Variants in IPCEF1 observed in about 807,000 individuals in gnomAD.
IPCEF1 encodes the protein interaction protein for cytohesin exchange factors 1, also known as interactor protein for cytohesin exchange factors 1.
A neutral mutation model predicts 50.9 loss-of-function variants in IPCEF1; 31 were observed. That is an observed-to-expected ratio of 0.61 (90% CI 0.46 to 0.82). IPCEF1 has a LOEUF of 0.82. Among genes scored for constraint, IPCEF1 ranks in the 40% least tolerant of loss-of-function variants. The pLI is 0.00. For synonymous variants in IPCEF1, 181 were observed against 192.0 expected (o/e 0.94, Z 0.47); for missense variants, 458 against 514.0 (o/e 0.89, Z 1.05).
chr6:154,208,460 G>T (rs1251356541), intron 9 of IPCEF1, among the ~76,000 whole-genome samples: 1 of 152,074 alleles, frequency 6.6e-6, no homozygotes, highest in African/African-American at 2.4e-5. Flanking sequence ...TGACTCACTG[G>T]ACTCCACTTC....
At chr6:154,228,456 A>C (rs1248474746) in intron 5 of IPCEF1, among the ~76,000 whole-genome samples, 2 of 152,240 alleles carry the variant, frequency 1.3e-5, no homozygotes, top group African/African-American at 4.8e-5. Flanking sequence ...ATCTAGTCTT[A>C]AATTCAGAAG....
intron 6 of IPCEF1, among the ~76,000 whole-genome samples, chr6:154,222,022 A>T (rs1583836919): frequency 1.3e-5 from 2 of 152,372 alleles, no homozygotes; most frequent in South Asian, 4.1e-4. Flanking sequence ...TACTTCAAGC[A>T]AGGTATTTCT....
intron 10 of IPCEF1, among the ~76,000 whole-genome samples, chr6:154,169,258 G>C (rs1018245001): frequency 6.6e-6 from 1 of 152,158 alleles, no homozygotes; most frequent in African/African-American, 2.4e-5. Flanking sequence ...CTACTCAGGA[G>C]ACTGAGACAC....
chr6:154,167,249 G>T (rs1256675489), intron 11 of IPCEF1, among the ~76,000 whole-genome samples: 1 of 152,222 alleles, frequency 6.6e-6, no homozygotes, highest in Non-Finnish European at 1.5e-5. Context: ...AAATGTGAAA[G>T]CAGGACACTT....
chr6:154,229,641 C>A (rs1206920676), intron 5 of IPCEF1, among the ~76,000 whole-genome samples: 1 of 152,116 alleles, frequency 6.6e-6, no homozygotes, highest in Non-Finnish European at 1.5e-5. Context: ...CAGGCGTGAG[C>A]CACCGTGCCC....
chr6:154,189,872 A>G (rs1755959495), intron 10 of IPCEF1, among the ~76,000 whole-genome samples: 1 of 151,918 alleles, frequency 6.6e-6, no homozygotes. Context: ...AATCACTGGA[A>G]CCTGGAGGTT....
At chr6:154,313,034 C>G (rs367780291) in intron 1 of IPCEF1, among the ~76,000 whole-genome samples, 1 of 130,262 alleles carries the variant, frequency 7.7e-6, no homozygotes, top group African/African-American at 3.1e-5. Context: ...CCGAAATCAA[C>G]CCCACTGCAC....
chr6:154,254,320 A>G (rs1355742699), intron 3 of IPCEF1, among the ~76,000 whole-genome samples: 2 of 152,204 alleles, frequency 1.3e-5, no homozygotes, highest in East Asian at 3.8e-4. Context: ...ACAGTTCTGC[A>G]TGGCTGAAGG....
intron 1 of IPCEF1, among the ~76,000 whole-genome samples, chr6:154,344,463 GTGACTTTGGGGCA>G (rs1156349656): frequency 5.3e-5 from 8 of 152,130 alleles, no homozygotes; most frequent in Non-Finnish European, 1.2e-4. Flanking sequence ...AGAAACCCCA[GTGACTTTGGGGCA>G]TGTAAAGATA....
rs1322927779 is a variant in IPCEF1, at chr6:154,168,117, T to C, written c.911-4A>G. On this transcript the variant is annotated splice_region_variant and splice_polypyrimidine_tract_variant and intron_variant, in intron 10 of 11. Transcript: ENST00000367220. The surrounding 1 kb of genome is among the most constrained non-coding windows in gnomAD (Gnocchi z 4.1). ...TCTTCAGACACTTTTGTCTCTTCTA[T>C]TTGAAAAAAAAAAAGAAAGCAGTAA... 6.6e-7 allele frequency: 1 copy of C among 1,522,640 alleles called. No individual in the cohort carries two copies. The highest frequency in any genetic ancestry group is 8.9e-7 in the Non-Finnish European group (1 of 1,127,826). 94.3% of individuals were successfully genotyped at this position (1,522,640 alleles called of 1,614,324 possible).
chr6:154,190,131 A>G (rs1801741829), intron 10 of IPCEF1, among the ~76,000 whole-genome samples: 1 of 152,136 alleles, frequency 6.6e-6, no homozygotes, highest in Non-Finnish European at 1.5e-5. Context: ...CTGGTCCCAA[A>G]AACTCACAAA....
intron 3 of IPCEF1, among the ~76,000 whole-genome samples, chr6:154,260,945 C>G (rs748869120): frequency 4.6e-5 from 7 of 152,174 alleles, no homozygotes; most frequent in Admixed American, 2.0e-4. Flanking sequence ...TCAAGGACTA[C>G]ATAAACCAAT....
At chr6:154,349,282 C>G in intron 1 of IPCEF1, among the ~76,000 whole-genome samples, 1 of 151,830 alleles carries the variant, frequency 6.6e-6, no homozygotes. Context: ...ACCTCAATCT[C>G]CCAGGCTCAA....
intron 2 of IPCEF1, among the ~76,000 whole-genome samples, chr6:154,283,291 C>CAAAA (rs35691566): frequency 1.2e-4 from 8 of 66,368 alleles, no homozygotes; most frequent in East Asian, 4.4e-4. Context: ...AACTCCATCT[C>CAAAA]AAAAAAAAAA....
intron 2 of IPCEF1, among the ~76,000 whole-genome samples, chr6:154,266,700 T>C (rs749251400): frequency 1.3e-5 from 2 of 151,862 alleles, no homozygotes; most frequent in South Asian, 2.1e-4. Context: ...TTTGAAAACA[T>C]AGCTAACTCC....
At chr6:154,190,940 C>A (rs576993420) in intron 10 of IPCEF1, among the ~76,000 whole-genome samples, 1 of 152,128 alleles carries the variant, frequency 6.6e-6, no homozygotes, top group Admixed American at 6.5e-5. Context: ...CCTATAGTCC[C>A]AGCTACTCAG....
chr6:154,340,923 ATG>A (rs35576410), intron 1 of IPCEF1, among the ~76,000 whole-genome samples: 75,230 of 146,030 alleles, frequency 0.52, 20,138 homozygotes, highest in East Asian at 0.89. Flanking sequence ...GTGTATATAT[ATG>A]TGTGTGTGTG....
intron 1 of IPCEF1, among the ~76,000 whole-genome samples, chr6:154,315,843 G>A (rs1359350884): frequency 3.3e-5 from 5 of 151,742 alleles, no homozygotes; most frequent in African/African-American, 7.3e-5. Flanking sequence ...GGGGGGGAGC[G>A]GTGGTGGACA....
chr6:154,221,787 T>C (rs973067785), intron 6 of IPCEF1, among the ~76,000 whole-genome samples: 1 of 152,136 alleles, frequency 6.6e-6, no homozygotes, highest in African/African-American at 2.4e-5. Flanking sequence ...GGCAGGAGAA[T>C]GGCATGAACC....
Sources: allele counts gnomAD v4.1 joint callset (sites outside exome capture counted in the v4.1 genomes callset), GRCh38; gene constraint gnomAD v4.1.1; non-coding constraint Gnocchi (gnomAD v3.1); transcripts MANE v1.5; gene names NCBI Gene and HGNC (gene_info 2026-07-23, HGNC 2026-07-21).